Variants in C8orf34 observed in about 807,000 individuals in gnomAD.
C8orf34 encodes chromosome 8 open reading frame 34.
C8orf34 carries 65 observed loss-of-function variants against 68.3 expected under a neutral mutation model. The ratio of observed to expected loss-of-function variants is 0.95; its 90% confidence interval spans 0.78 to 1.17. The LOEUF is 1.17. C8orf34 is among the 50% of genes most tolerant of loss of function. The probability of loss-of-function intolerance (pLI) is 0.00; values close to 1 mark genes in which losing one functional copy is unlikely to be tolerated. For missense variants in C8orf34, 664 were observed against 655.4 expected, an observed-to-expected ratio of 1.01 and a Z score of -0.14; for synonymous variants, 244 against 241.2, an observed-to-expected ratio of 1.01 and a Z score of -0.11.
intron 8 of C8orf34, among the ~76,000 whole-genome samples, chr8:68,698,178 C>T (rs1008810435): frequency 2.6e-4 from 40 of 152,008 alleles, no homozygotes; most frequent in African/African-American, 8.9e-4. Flanking sequence ...GGTGACATCC[C>T]AATTGCCATT....
intron 7 of C8orf34, among the ~76,000 whole-genome samples, chr8:68,554,850 T>TA (rs1267937598): frequency 1.3e-5 from 2 of 152,116 alleles, no homozygotes; most frequent in East Asian, 1.9e-4. Flanking sequence ...ATATCTTTTT[T>TA]AAAAAAATTA....
chr8:68,666,373 A>C (rs536030160), intron 8 of C8orf34, among the ~76,000 whole-genome samples: 2 of 152,308 alleles, frequency 1.3e-5, no homozygotes, highest in Admixed American at 6.5e-5. Context: ...AGTGAGAATA[A>C]ATTTGTGGCT....
intron 8 of C8orf34, among the ~76,000 whole-genome samples, chr8:68,692,562 A>G (rs559956628): frequency 2.0e-5 from 3 of 152,202 alleles, no homozygotes; most frequent in South Asian, 2.1e-4. Flanking sequence ...GTTATAACAA[A>G]AAAAGACTTC....
In C8orf34 at chr8:68,679,315, A is replaced by G. The variant is rs141752933; in HGVS notation, c.1242-29679A>G. Among the ~76,000 whole-genome samples the G allele has an allele frequency of 7.1e-3, 1,079 of 152,016 alleles. 15 individuals are homozygous for G. The highest frequency in any genetic ancestry group is 0.025 in the African/African-American group (1,032 of 41,478). On this transcript the variant is annotated intron_variant, in intron 8 of 13. Coordinates refer to ENST00000518698, the MANE Select transcript of C8orf34 (RefSeq NM_052958.4). ...ACAAAACAAAACAAAAACAAAAAAC[A>G]AAAGCTATTAATAAAATAAAATAAA...
chr8:68,511,247 C>A (rs76012326), intron 5 of C8orf34, among the ~76,000 whole-genome samples: 8,343 of 152,160 alleles, frequency 0.055, 244 homozygotes, highest in Middle Eastern at 0.12. Flanking sequence ...TGGTGCGCCT[C>A]GTGGATGGAG....
chr8:68,730,692 G>C (rs1275812317), intron 10 of C8orf34, among the ~76,000 whole-genome samples: 2 of 151,916 alleles, frequency 1.3e-5, no homozygotes, highest in African/African-American at 4.8e-5. Flanking sequence ...TAATTTTACT[G>C]TTTCTCCATT....
At chr8:68,796,985 C>T (rs1824198121) in intron 12 of C8orf34, among the ~76,000 whole-genome samples, 1 of 152,032 alleles carries the variant, frequency 6.6e-6, no homozygotes, top group Non-Finnish European at 1.5e-5. Context: ...TGCCACCACG[C>T]CTGGCTAATT....
intron 10 of C8orf34, among the ~76,000 whole-genome samples, chr8:68,723,067 G>C (rs1195299714): frequency 6.6e-6 from 1 of 152,040 alleles, no homozygotes; most frequent in Non-Finnish European, 1.5e-5. Flanking sequence ...TTAAAAAACA[G>C]TGATATCAGG....
intron 8 of C8orf34, among the ~76,000 whole-genome samples, chr8:68,658,151 A>AT (rs1233674402): frequency 1.3e-5 from 2 of 152,146 alleles, no homozygotes; most frequent in African/African-American, 4.8e-5. Flanking sequence ...AGGTTTTATC[A>AT]TTTTTTAAAA....
intron 7 of C8orf34, among the ~76,000 whole-genome samples, chr8:68,556,170 A>G (rs1450331620): frequency 6.6e-6 from 1 of 152,024 alleles, no homozygotes; most frequent in African/African-American, 2.4e-5. Context: ...ATTATGGCCA[A>G]AAAGTATATA....
chr8:68,694,228 A>C (rs116757941), intron 8 of C8orf34, among the ~76,000 whole-genome samples: 1 of 152,110 alleles, frequency 6.6e-6, no homozygotes, highest in Non-Finnish European at 1.5e-5. Context: ...ATAGGCCTTA[A>C]GTGCATCTGG....
chr8:68,590,671 A>G (rs1817360844), intron 7 of C8orf34, among the ~76,000 whole-genome samples: 2 of 152,178 alleles, frequency 1.3e-5, no homozygotes, highest in Admixed American at 6.5e-5. Flanking sequence ...AAGTCCCCCA[A>G]GATTTGAGTC....
intron 8 of C8orf34, among the ~76,000 whole-genome samples, chr8:68,648,337 G>T (rs1191406487): frequency 6.6e-6 from 1 of 152,188 alleles, no homozygotes; most frequent in Non-Finnish European, 1.5e-5. Context: ...TTGAAAAATT[G>T]TGAGCATTGC....
intron 12 of C8orf34, chr8:68,791,257 G>A (rs1029823937): frequency 3.8e-6 from 1 of 266,108 alleles, no homozygotes; most frequent in Non-Finnish European, 7.0e-6. Context: ...TTCTTCTAAG[G>A]AGAGAGAGAG....
intron 10 of C8orf34, 84 bp from the exon 11 acceptor site, chr8:68,776,315 C>T (rs2129528594): frequency 1.9e-6 from 2 of 1,027,746 alleles, no homozygotes; most frequent in Non-Finnish European, 3.0e-6. Context: ...TGGTGTTGCT[C>T]TCAGATCCCA....
intron 11 of C8orf34, among the ~76,000 whole-genome samples, chr8:68,784,055 A>G (rs1164248563): frequency 1.3e-5 from 2 of 152,166 alleles, no homozygotes; most frequent in African/African-American, 2.4e-5. Context: ...TAGTAACCAT[A>G]TCTGTACTGT....
chr8:68,759,438 C>T (rs945190418), intron 10 of C8orf34, among the ~76,000 whole-genome samples: 1 of 152,030 alleles, frequency 6.6e-6, no homozygotes, highest in Non-Finnish European at 1.5e-5. Flanking sequence ...CTTCACACAC[C>T]CACCCCATTC....
chr8:68,713,388 G>A (rs1056672104), intron 9 of C8orf34, among the ~76,000 whole-genome samples: 1 of 151,824 alleles, frequency 6.6e-6, no homozygotes, highest in Non-Finnish European at 1.5e-5. Context: ...ACAAAAAACT[G>A]GTTTTTGAAA....
intron 5 of C8orf34, among the ~76,000 whole-genome samples, chr8:68,514,904 A>C (rs1301452652): frequency 1.3e-5 from 2 of 152,184 alleles, no homozygotes; most frequent in Admixed American, 1.3e-4. Context: ...AGGGGAGTGC[A>C]ATTTTATAGT....
Sources: gnomAD v4.1 joint callset for allele counts (sites outside exome capture counted in the v4.1 genomes callset) on GRCh38, gnomAD v4.1.1 for gene constraint, MANE v1.5 for transcripts, NCBI Gene and HGNC (gene_info 2026-07-23, HGNC 2026-07-21) for gene names.